The following CLHC1 variants were observed in gnomAD, a reference collection of about 807,000 sequenced individuals.
CLHC1 encodes clathrin heavy chain linker domain containing 1, also known as clathrin heavy chain linker domain-containing protein 1.
Under a neutral mutation model 69.5 loss-of-function variants are expected in CLHC1, and 72 were observed. The ratio of observed to expected loss-of-function variants is 1.04; its 90% CI spans 0.86 to 1.26. CLHC1 has a LOEUF of 1.26. Ranked by LOEUF, CLHC1 falls within the 50% of genes most tolerant of loss-of-function variation. The pLI is 0.00. For synonymous variants in CLHC1, 223 were observed against 224.3 expected, an observed-to-expected ratio of 0.99 and a Z score of 0.05; for missense variants, 790 against 679.3, an observed-to-expected ratio of 1.16 and a Z score of -1.81.
rs754333276 is a variant in CLHC1, at chr2:55,181,588, T to C, written c.1163A>G (p.Asn388Ser). The C allele has an allele frequency of 3.7e-6, 6 of 1,608,992 alleles. No homozygotes were observed. Among genetic ancestry groups the C allele is most frequent in the South Asian group, 2.2e-5 (2 of 89,618 alleles). Residue 388 changes from asparagine to serine, a missense_variant, in exon 10 of 13, where the codon AAT (asparagine) becomes AGT (serine). Transcript: ENST00000401408. ...LSEKRLDLVT[N>S]WVTQERLTFS... ...TGCTTACCTTTCCTGTGTAACCCAA[T>C]TGGTAACTAAATCTAACCGTTTTTC... is the stretch of plus-strand genomic sequence containing the variant.
chr2:55,181,285 C>A (rs149962529), intron 10 of CLHC1, among the ~76,000 whole-genome samples: 1 of 151,818 alleles, frequency 6.6e-6, no homozygotes, highest in African/African-American at 2.4e-5. Context: ...CTGGCCACCA[C>A]GTCTGGCTAA....
chr2:55,175,822 C>T lies in CLHC1; in HGVS notation c.1729G>A (p.Ala577Thr), dbSNP rs766514446. Residue 577 changes from alanine (A) to threonine (T), a missense_variant, in exon 13 of 13, where the codon GCA (alanine) becomes ACA (threonine). Ala to Thr is a moderately conservative substitution (Grantham distance 58, BLOSUM62 0). Transcript: ENST00000401408. ...AVTEISEEDDAVNLMEHVFW is the reference protein window; with the variant it reads ...AVTEISEEDDTVNLMEHVFW Reference sequence around the variant, plus strand: ...AACACATGTTCCATTAGGTTGACTGCGTCATCCTCTTCAGAAATTTCTGTA... The same window carrying T: ...AACACATGTTCCATTAGGTTGACTGTGTCATCCTCTTCAGAAATTTCTGTA... 3.1e-5 allele frequency: 50 copies of T among 1,613,494 alleles called. No homozygotes were observed. In the South Asian group the frequency reaches 3.3e-4, roughly 11 times the overall value.
At chr2:55,213,223 T>A (rs1287587061) in intron 4 of CLHC1, among the ~76,000 whole-genome samples, 1 of 152,202 alleles carries the variant, frequency 6.6e-6, no homozygotes, top group Admixed American at 6.5e-5. Context: ...AAAATCAGTA[T>A]CACCGGACCA....
chr2:55,181,484 A>G (rs1669926219), intron 10 of CLHC1, 86 bp downstream of exon 10: 1 of 1,046,238 alleles, frequency 9.6e-7, no homozygotes, highest in Non-Finnish European at 1.4e-6. Flanking sequence ...TTCAAGTAAC[A>G]TATTGATAAA....
intron 9 of CLHC1, among the ~76,000 whole-genome samples, chr2:55,200,599 C>A (rs1671858470): frequency 6.6e-6 from 1 of 152,166 alleles, no homozygotes; most frequent in South Asian, 2.1e-4. Context: ...TCAACACCCT[C>A]ACTTTCAGCA....
chr2:55,187,030 G>C (rs1172997189), intron 9 of CLHC1, among the ~76,000 whole-genome samples: 1 of 151,954 alleles, frequency 6.6e-6, no homozygotes, highest in East Asian at 1.9e-4. Flanking sequence ...ACTTTGGGAG[G>C]CTGCAACAGG....
At chr2:55,208,008 G>A (rs1199288439) in intron 8 of CLHC1, among the ~76,000 whole-genome samples, 2 of 152,056 alleles carry the variant, frequency 1.3e-5, no homozygotes, top group Non-Finnish European at 2.9e-5. Flanking sequence ...TAAGTATTAG[G>A]GAGAAATATG....
At chr2:55,181,459 G>T in intron 10 of CLHC1, 111 bp downstream of exon 10, 1 of 835,034 alleles carries the variant, frequency 1.2e-6, no homozygotes, top group Non-Finnish European at 1.9e-6. Flanking sequence ...TTGCAATAGG[G>T]ACCTGAAGTA....
chr2:55,206,340 C>T lies in CLHC1; in HGVS notation c.936G>A (p.Lys312=). 6.2e-7 allele frequency: 1 copy of T among 1,610,082 alleles called. No homozygotes were observed. Among genetic ancestry groups the T allele is most frequent in the Non-Finnish European group, 8.5e-7 (1 of 1,177,008 alleles). ...GACTGTTTGCTGCATAACAAGCTGC[C>T]TTTTCATATTCACCAAGTGAGATTA... is the stretch of plus-strand genomic sequence containing the variant. ...NELISLGEYE[K]AACYAANSPR... The change falls in exon 9 of 13, where the codon AAG becomes AAA. Residue 312 remains lysine, a synonymous_variant. Transcript: ENST00000401408.
At chr2:55,220,620 C>G (rs1029698913) in intron 3 of CLHC1, among the ~76,000 whole-genome samples, 1 of 151,870 alleles carries the variant, frequency 6.6e-6, no homozygotes, top group Non-Finnish European at 1.5e-5. Context: ...TTAAATTTAC[C>G]AACAATACCT....
At position 55,186,315 on chromosome 2, in the gene CLHC1, T is replaced by C. The variant is rs886222658; in HGVS notation, c.1007-4571A>G. Reference sequence around the variant, plus strand: ...GAAATTAAGCTCACAATATTATCAATGTAAAAAGCTTACAATATTATAAAT... The same window carrying C: ...GAAATTAAGCTCACAATATTATCAACGTAAAAAGCTTACAATATTATAAAT... On this transcript the variant is annotated intron_variant, in intron 9 of 12. Coordinates refer to ENST00000401408, the MANE Select transcript of CLHC1 (RefSeq NM_152385.4). 3.8e-4 allele frequency among the ~76,000 whole-genome samples: 58 copies of C among 152,270 alleles called. 1 individual carries two copies. The highest frequency in any genetic ancestry group is 1.3e-3 in the African/African-American group (52 of 41,524).
intron 7 of CLHC1, among the ~76,000 whole-genome samples, 155 bp from the exon 8 acceptor site, chr2:55,208,865 CTTTTTTTTT>C (rs142601208): frequency 4.4e-5 from 4 of 90,820 alleles, no homozygotes; most frequent in Non-Finnish European, 4.4e-5. Context: ...TCCCTTTCCT[CTTTTTTTTT>C]TTTTTTTTTT....
chr2:55,205,368 G>C (rs1436073183), intron 9 of CLHC1, among the ~76,000 whole-genome samples: 7 of 151,576 alleles, frequency 4.6e-5, no homozygotes, highest in Non-Finnish European at 7.4e-5. Context: ...ATCAACCTAA[G>C]TGTCCATCAA....
At chr2:55,187,705 A>G (rs1327326419) in intron 9 of CLHC1, among the ~76,000 whole-genome samples, 3 of 152,178 alleles carry the variant, frequency 2.0e-5, no homozygotes, top group South Asian at 4.1e-4. Context: ...AAATGTAAAC[A>G]GCAAAACGAT....
chr2:55,216,566 C>T lies in CLHC1; in HGVS notation c.365+1245G>A, dbSNP rs537823206. On this transcript the variant is annotated intron_variant, in intron 4 of 12. Transcript: ENST00000401408. Reference sequence around the variant, plus strand: ...TTTTTTTTTTCTTGAGATGGCGTCTCGCTCTGTCACCCAGGCTGGAGTGCA... The same window carrying T: ...TTTTTTTTTTCTTGAGATGGCGTCTTGCTCTGTCACCCAGGCTGGAGTGCA... 1.1e-3 allele frequency among the ~76,000 whole-genome samples: 164 copies of T among 151,754 alleles called. 1 individual carries two copies. Among genetic ancestry groups the T allele is most frequent in the African/African-American group, 3.8e-3 (156 of 41,362 alleles).
chr2:55,224,793 G>T, intron 2 of CLHC1: 1 of 316,932 alleles, frequency 3.2e-6, no homozygotes, highest in South Asian at 3.6e-5. Flanking sequence ...GCAAGACTTG[G>T]AGTAAAGCTC....
intron 5 of CLHC1, among the ~76,000 whole-genome samples, chr2:55,212,083 C>A (rs903804224): frequency 6.6e-6 from 1 of 152,032 alleles, no homozygotes; most frequent in Admixed American, 6.6e-5. Flanking sequence ...TTGAGACCAG[C>A]GTGGACAACA....
chr2:55,178,888 C>A (rs1426938116), intron 11 of CLHC1, among the ~76,000 whole-genome samples: 1 of 150,690 alleles, frequency 6.6e-6, no homozygotes, highest in East Asian at 1.9e-4. Context: ...TTTCTTACTA[C>A]ATTTCAAAAT....
intron 4 of CLHC1, chr2:55,214,248 G>A (rs1673278957): frequency 1.3e-5 from 2 of 152,254 alleles, no homozygotes; most frequent in South Asian, 4.1e-4. Context: ...GGTGGCTCAT[G>A]CCTGTAATCC....
Sources: gnomAD v4.1 joint callset for allele counts (sites outside exome capture counted in the v4.1 genomes callset) on GRCh38, gnomAD v4.1.1 for gene constraint, MANE v1.5 for transcripts, NCBI Gene and HGNC (gene_info 2026-07-23, HGNC 2026-07-21) for gene names.